ESYT3: variants seen among roughly 807,000 people sequenced by gnomAD.
The protein encoded by ESYT3 is extended synaptotagmin 3, also known as extended synaptotagmin-3.
ESYT3 carries 101 observed loss-of-function variants against 111.5 expected under a neutral mutation model. That is an observed-to-expected ratio of 0.91 (90% CI 0.77 to 1.07). The LOEUF is 1.07. Ranked by LOEUF, ESYT3 falls within the 50% of genes least tolerant of loss-of-function variation. The pLI is 0.00. For missense variants in ESYT3, 1,097 were observed against 1,109.4 expected (o/e 0.99, Z 0.16); for synonymous variants, 416 against 446.8 (o/e 0.93, Z 0.87).
At position 138,470,969 on chromosome 3, in the gene ESYT3, C is replaced by A. The variant is rs777511558; in HGVS notation, c.1683C>A (p.Arg561=). Reference sequence around the variant, plus strand: ...ATGCTGACCTCACTCTTGAGCAGCGCTTTCAGCTGGACCACTCAGGCCTGG... The same window carrying A: ...ATGCTGACCTCACTCTTGAGCAGCGATTTCAGCTGGACCACTCAGGCCTGG... The part of the protein sequence containing the change: ...LPYADLTLEQ[R]FQLDHSGLDS... The change falls in exon 17 of 23, where the codon CGC becomes CGA. Residue 561 remains arginine, a synonymous_variant. Coordinates refer to ENST00000389567, the MANE Select transcript of ESYT3 (RefSeq NM_031913.5). 1 of 1,614,164 alleles carries A rather than the reference C, an allele frequency of 6.2e-7. No individual in the cohort carries two copies. The highest frequency in any genetic ancestry group is 1.1e-5 in the South Asian group (1 of 91,084).
chr3:138,462,271 T>C (rs1324093513), intron 8 of ESYT3, 65 bp downstream of exon 8: 1 of 1,606,866 alleles, frequency 6.2e-7, no homozygotes. Context: ...CTCTCAGCCT[T>C]CACATGTGGT....
At position 138,440,848 on chromosome 3, in the gene ESYT3, A is replaced by T. The variant is rs1279588133; in HGVS notation, c.327+5723A>T. Among the ~76,000 whole-genome samples the T allele has an allele frequency of 6.6e-6, 1 of 152,220 alleles. No individual in the cohort carries two copies. Among genetic ancestry groups the T allele is most frequent in the East Asian group, 1.9e-4 (1 of 5,202 alleles). ...TGTTCATTCCTATACTCACTCAGCA[A>T]GCATTTATCGAGAACTTGCAGTGTG... On this transcript the variant is annotated intron_variant, in intron 1 of 22. Coordinates refer to ENST00000389567, the MANE Select transcript of ESYT3 (RefSeq NM_031913.5). The surrounding 1 kb of genome is among the most constrained non-coding windows in gnomAD (Gnocchi z 4.2).
At chr3:138,439,111 C>T (rs1055455606) in intron 1 of ESYT3, among the ~76,000 whole-genome samples, 2 of 152,184 alleles carry the variant, frequency 1.3e-5, no homozygotes, top group Non-Finnish European at 2.9e-5. Context: ...GCCACAAAAG[C>T]TTTGTTGCCA....
At chr3:138,463,283 C>A (rs1382525553) in intron 8 of ESYT3, among the ~76,000 whole-genome samples, 1 of 152,054 alleles carries the variant, frequency 6.6e-6, no homozygotes, top group Non-Finnish European at 1.5e-5. Context: ...TTAGTAGAGA[C>A]CGGGTTTCAC....
At chr3:138,469,367 G>T in intron 14 of ESYT3, 69 bp from the exon 15 acceptor site, 1 of 1,377,984 alleles carries the variant, frequency 7.3e-7, no homozygotes, top group Non-Finnish European at 1.0e-6. Flanking sequence ...CCTGGGGGTT[G>T]GGGGTAGGAC....
At chr3:138,464,166 C>A (rs961995727) in intron 8 of ESYT3, among the ~76,000 whole-genome samples, 179 bp from the exon 9 acceptor site, 15 of 152,176 alleles carry the variant, frequency 9.9e-5, no homozygotes, top group Admixed American at 6.5e-5. Context: ...AGAGCCCTGC[C>A]ATCACTTGCT....
Position 138,472,294 on chromosome 3 carries a change from C to T in ESYT3, c.1741-69C>T, listed in dbSNP as rs190015235. On this transcript the variant is annotated intron_variant, in intron 17 of 22. Transcript: ENST00000389567. ...TTCACAACTGAGGGGAAAGGGGGAA[C>T]GGGAAACAATGGCTGAGGTTGTGGA... 325 of 1,552,122 alleles carry T rather than the reference C, an allele frequency of 2.1e-4. 1 individual carries two copies. The highest frequency in any genetic ancestry group is 1.9e-3 in the Admixed American group (95 of 50,328).
At chr3:138,476,541 GT>G in intron 22 of ESYT3, 49 bp downstream of exon 22, 1 of 1,587,882 alleles carries the variant, frequency 6.3e-7, no homozygotes, top group Non-Finnish European at 8.6e-7. Flanking sequence ...ATTCAAGACA[GT>G]TTTCCCTTTT....
At chr3:138,446,692 C>T (rs529609810) in intron 1 of ESYT3, among the ~76,000 whole-genome samples, 1 of 152,216 alleles carries the variant, frequency 6.6e-6, no homozygotes, top group African/African-American at 2.4e-5. Flanking sequence ...GAGTTCACGA[C>T]CAGCATGGGC....
intron 5 of ESYT3, 64 bp from the exon 6 acceptor site, chr3:138,459,881 G>A: frequency 1.4e-6 from 2 of 1,452,520 alleles, no homozygotes; most frequent in Non-Finnish European, 1.9e-6. Flanking sequence ...GGCCTCAGCT[G>A]AGCCCAGCAG....
rs1453036620 is a variant in ESYT3 at position 138,440,188 on chromosome 3, TG to T, written c.327+5067del. ...TGTCCCCATCTAACTGGGTGCGCAC[TG>T]GGGCTGCCGGCAGAAGCAAGCACCA... is the stretch of plus-strand genomic sequence containing the variant. On this transcript the variant is annotated intron_variant, in intron 1 of 22. Coordinates refer to ENST00000389567, the MANE Select transcript of ESYT3 (RefSeq NM_031913.5). The surrounding 1 kb of genome is among the most constrained non-coding windows in gnomAD (Gnocchi z 4.2). Among the ~76,000 whole-genome samples the T allele has an allele frequency of 6.6e-5, 10 of 152,268 alleles. No homozygotes were observed. In the South Asian group the frequency reaches 1.5e-3, roughly 22 times the overall value.
At chr3:138,476,184 T>G in intron 20 of ESYT3, 39 bp from the exon 21 acceptor site, 3 of 1,312,076 alleles carry the variant, frequency 2.3e-6, no homozygotes, top group Non-Finnish European at 3.3e-6. Flanking sequence ...GAAAACTGAA[T>G]GAAATGCATA....
chr3:138,475,717 C>T (rs1452456802), intron 20 of ESYT3, among the ~76,000 whole-genome samples: 1 of 152,030 alleles, frequency 6.6e-6, no homozygotes, highest in African/African-American at 2.4e-5. Flanking sequence ...TATCTGAGGT[C>T]GGGAGTTTGA....
intron 8 of ESYT3, among the ~76,000 whole-genome samples, chr3:138,464,101 G>A (rs149984204): frequency 1.1e-3 from 172 of 152,394 alleles, no homozygotes; most frequent in African/African-American, 3.8e-3. Context: ...TCATGTGGCA[G>A]TTTGGAGGCA....
intron 7 of ESYT3, among the ~76,000 whole-genome samples, chr3:138,461,074 G>A (rs1276735293): frequency 6.6e-6 from 1 of 152,224 alleles, no homozygotes; most frequent in Non-Finnish European, 1.5e-5. Flanking sequence ...CTGAGTGAAT[G>A]TGGAGAAGTT....
chr3:138,440,244 C>T lies in ESYT3; in HGVS notation c.327+5119C>T, dbSNP rs1221982124. Among the ~76,000 whole-genome samples, 3 of 152,208 alleles carry T rather than the reference C, an allele frequency of 2.0e-5. No homozygotes were observed. The highest frequency in any genetic ancestry group is 2.1e-4 in the South Asian group (1 of 4,832). ...AAAAAGGTGAGCCGTTCACACAAAG[C>T]GATGGGCATTCTGAGGCGCAGAGCA... On this transcript the variant is annotated intron_variant, in intron 1 of 22. Coordinates refer to ENST00000389567, the MANE Select transcript of ESYT3 (RefSeq NM_031913.5). The surrounding 1 kb of genome is among the most constrained non-coding windows in gnomAD (Gnocchi z 4.2).
rs934455012 is a variant in ESYT3 at position 138,434,659 on chromosome 3, G to C, written c.-140G>C. The C allele has an allele frequency of 5.2e-6, 4 of 762,628 alleles. No individual in the cohort carries two copies. In the African/African-American group the frequency reaches 5.5e-5, roughly 11 times the overall value. 47.2% of individuals were successfully genotyped at this position (762,628 alleles called of 1,614,324 possible). On this transcript the variant is annotated 5_prime_UTR_variant, in exon 1 of 23. Coordinates refer to ENST00000389567, the MANE Select transcript of ESYT3 (RefSeq NM_031913.5). Reference sequence around the variant, plus strand: ...CTCCGTCGCAGAGAACCCTGAGCTCGGCGCGCCGAGAGTCCCAGCAGGGCA... The same window carrying C: ...CTCCGTCGCAGAGAACCCTGAGCTCCGCGCGCCGAGAGTCCCAGCAGGGCA...
chr3:138,448,538 A>C (rs558585154), intron 1 of ESYT3, among the ~76,000 whole-genome samples: 2 of 152,132 alleles, frequency 1.3e-5, no homozygotes, highest in Non-Finnish European at 2.9e-5. Context: ...AAAAAATTGT[A>C]TCTTTGTCTC....
chr3:138,439,784 A>G (rs1206735467), intron 1 of ESYT3, among the ~76,000 whole-genome samples: 3 of 152,220 alleles, frequency 2.0e-5, no homozygotes, highest in African/African-American at 7.2e-5. Flanking sequence ...AGCCTGAGGC[A>G]GTGTAGAGAA....
Sources: gnomAD v4.1 joint callset for allele counts (sites outside exome capture counted in the v4.1 genomes callset) on GRCh38, gnomAD v4.1.1 for gene constraint, Gnocchi (gnomAD v3.1) non-coding constraint, MANE v1.5 for transcripts, NCBI Gene and HGNC (gene_info 2026-07-23, HGNC 2026-07-21) for gene names.